Variants in TENM1 observed in about 807,000 individuals in gnomAD.
TENM1 encodes the protein teneurin-1.
Under a neutral mutation model 174.8 loss-of-function variants are expected in TENM1, and 35 were observed. The ratio of observed to expected loss-of-function variants is 0.20; its 90% confidence interval spans 0.15 to 0.27. The LOEUF (loss-of-function observed/expected upper bound fraction) is 0.27, where lower values mean the gene tolerates loss of function less well. TENM1 is among the 10% of genes least tolerant of loss of function. The pLI is 1.00. For missense variants in TENM1, 1,633 were observed against 2,130.1 expected (o/e 0.77, Z 4.59); for synonymous variants, 781 against 798.7 (o/e 0.98, Z 0.37).
intron 5 of TENM1, among the ~76,000 whole-genome samples, chrX:124,698,813 C>T (rs1437886655): frequency 9.0e-6 from 1 of 111,503 alleles, no homozygotes; most frequent in Non-Finnish European, 1.9e-5. Context: ...ACATACTATG[C>T]TTTTCAACCT....
chrX:124,877,786 A>G (rs1327886223), intron 3 of TENM1, among the ~76,000 whole-genome samples: 1 of 111,598 alleles, frequency 9.0e-6, no homozygotes, highest in Non-Finnish European at 1.9e-5. Flanking sequence ...TGACTCCCCA[A>G]AAACATAACT....
chrX:124,706,392 C>T (rs962482004), intron 4 of TENM1, among the ~76,000 whole-genome samples: 4 of 111,924 alleles, frequency 3.6e-5, no homozygotes, highest in Non-Finnish European at 7.5e-5. Context: ...ACCTATGCAA[C>T]CCAAACCCCT....
intron 28 of TENM1, among the ~76,000 whole-genome samples, chrX:124,386,344 G>A (rs750529093): frequency 9.0e-6 from 1 of 111,535 alleles, no homozygotes; most frequent in South Asian, 3.8e-4. Context: ...GAAGGCAGAG[G>A]AAGACCAGCT....
At chrX:124,722,644 T>A (rs2053340238) in intron 4 of TENM1, among the ~76,000 whole-genome samples, 1 of 109,464 alleles carries the variant, frequency 9.1e-6, no homozygotes, top group South Asian at 4.0e-4. Context: ...ATCGAGACCA[T>A]CCTGGCTAAC....
At chrX:124,455,184 A>G (rs1192084114) in intron 22 of TENM1, among the ~76,000 whole-genome samples, 1 of 112,169 alleles carries the variant, frequency 8.9e-6, no homozygotes, top group African/African-American at 3.2e-5. Context: ...TTCTAAAGTC[A>G]TCTATGTTTT....
At chrX:124,748,479 T>C (rs1227570830) in intron 3 of TENM1, among the ~76,000 whole-genome samples, 1 of 110,808 alleles carries the variant, frequency 9.0e-6, no homozygotes, top group Non-Finnish European at 1.9e-5. Context: ...TACTTATAAC[T>C]TACAAAATAA....
intron 5 of TENM1, among the ~76,000 whole-genome samples, chrX:124,672,858 G>A (rs1030484093): frequency 3.6e-5 from 4 of 111,916 alleles, no homozygotes; most frequent in Non-Finnish European, 5.6e-5. Context: ...AAGTGTGTGT[G>A]TTTGTGTATG....
intron 5 of TENM1, among the ~76,000 whole-genome samples, chrX:124,686,503 T>C (rs1448920758): frequency 2.7e-5 from 3 of 112,230 alleles, no homozygotes; most frequent in Non-Finnish European, 1.9e-5. Flanking sequence ...CTGATGAACA[T>C]TGATGCAAAA....
rs780485122 is a variant in TENM1, at chrX:124,469,692, T to C, written c.3949+12040A>G. 4.5e-5 allele frequency among the ~76,000 whole-genome samples: 5 copies of C among 110,852 alleles called. No individual in the cohort carries two copies. In the East Asian group the frequency reaches 1.1e-3, roughly 25 times the overall value. ...GAAGATATATTGATAAATCTGACCATATGAAGTTAGAAAATTCTATAGGGT... is the reference window on the plus strand; with the variant it reads ...GAAGATATATTGATAAATCTGACCACATGAAGTTAGAAAATTCTATAGGGT... On this transcript the variant is annotated intron_variant, in intron 22 of 31. Transcript: ENST00000422452.
At chrX:124,636,639 T>C (rs1341847371) in intron 11 of TENM1, among the ~76,000 whole-genome samples, 1 of 111,967 alleles carries the variant, frequency 8.9e-6, no homozygotes, top group African/African-American at 3.2e-5. Flanking sequence ...CCTTCTTCCT[T>C]TGGCAGGAGT....
the TENM1 span, among the ~76,000 whole-genome samples, chrX:124,994,398 G>A: frequency 1.8e-5 from 2 of 109,067 alleles, no homozygotes; most frequent in Admixed American, 2.0e-4. Context: ...TACAAAAGAA[G>A]TTTGCCAAGC....
At chrX:124,848,027 C>T (rs907305259) in intron 3 of TENM1, among the ~76,000 whole-genome samples, 1 of 110,938 alleles carries the variant, frequency 9.0e-6, no homozygotes, top group African/African-American at 3.3e-5. Context: ...CATGTAATCA[C>T]AGGTGCTTTG....
chrX:125,012,040 T>C, the TENM1 span, among the ~76,000 whole-genome samples: 1 of 111,528 alleles, frequency 9.0e-6, no homozygotes, highest in South Asian at 3.8e-4. Flanking sequence ...TGCAGGGACA[T>C]GGATGAAACT....
Position 124,497,010 on chromosome X carries a change from A to T in TENM1, c.3695+6T>A, listed in dbSNP as rs748892035. 30 of 1,206,787 alleles carry T rather than the reference A, an allele frequency of 2.5e-5. No individual in the cohort carries two copies. In the South Asian group the frequency reaches 5.1e-4, roughly 21 times the overall value. ...AGCAAATATATAGAGATTAGAGAAG[A>T]CTTACCTTAATTCCAAAATACTAAC... is the stretch of plus-strand genomic sequence containing the variant. On this transcript the variant is annotated splice_donor_region_variant and intron_variant, in intron 20 of 31. Coordinates refer to ENST00000422452, the Ensembl canonical transcript of TENM1.
rs141922456 is a variant in TENM1, at chrX:124,535,130, C to T, written c.2652-5147G>A. Reference sequence around the variant, plus strand: ...CAAACTTGATTGTCCACGAGAATCACTGGAAAGCCTTATTGAAACACAGAT... The same window carrying T: ...CAAACTTGATTGTCCACGAGAATCATTGGAAAGCCTTATTGAAACACAGAT... On this transcript the variant is annotated intron_variant, in intron 15 of 31. Coordinates refer to ENST00000422452, the Ensembl canonical transcript of TENM1. Among the ~76,000 whole-genome samples the T allele has an allele frequency of 8.8e-3, 989 of 111,847 alleles. 3 individuals carry two copies. The highest frequency in any genetic ancestry group is 0.028 in the Middle Eastern group (6 of 218).
chrX:124,550,201 C>A (rs745467172), intron 14 of TENM1, among the ~76,000 whole-genome samples: 36 of 111,637 alleles, frequency 3.2e-4, no homozygotes, highest in Non-Finnish European at 6.0e-4. Flanking sequence ...GTGATCAAGT[C>A]ATCACTAGTA....
At chrX:124,647,755 TTG>T (rs943758338) in intron 8 of TENM1, among the ~76,000 whole-genome samples, 2 of 98,474 alleles carry the variant, frequency 2.0e-5, no homozygotes, top group African/African-American at 8.3e-5. Flanking sequence ...GTGTGTGTGT[TTG>T]TGTGTGTGTG....
chrX:124,612,596 A>C (rs2050302869), intron 11 of TENM1, among the ~76,000 whole-genome samples: 1 of 111,450 alleles, frequency 9.0e-6, no homozygotes, highest in African/African-American at 3.3e-5. Context: ...CCCAAAAGAG[A>C]AGAGATTTCT....
chrX:124,686,931 A>G (rs377193599), intron 5 of TENM1, among the ~76,000 whole-genome samples: 8 of 111,595 alleles, frequency 7.2e-5, no homozygotes, highest in African/African-American at 2.6e-4. Context: ...GCAAGCAGGC[A>G]AGAGAAAGAA....
Sources: gnomAD v4.1 joint callset for allele counts (sites outside exome capture counted in the v4.1 genomes callset) on GRCh38, gnomAD v4.1.1 for gene constraint, MANE v1.5 for transcripts, NCBI Gene and HGNC (gene_info 2026-07-23, HGNC 2026-07-21) for gene names.